Variants in PLEKHA7 observed in about 807,000 individuals in gnomAD.
PLEKHA7 encodes pleckstrin homology domain containing A7.
In PLEKHA7, 104 loss-of-function variants were observed where a neutral mutation model predicts 170.0. That is an observed-to-expected ratio of 0.61 (90% CI 0.52 to 0.72). PLEKHA7 has a LOEUF of 0.72. Among genes scored for constraint, PLEKHA7 ranks in the 30% least tolerant of loss-of-function variants. The probability of loss-of-function intolerance (pLI) is 0.00; values close to 1 mark genes in which losing one functional copy is unlikely to be tolerated. For synonymous variants in PLEKHA7, 648 were observed against 660.8 expected (o/e 0.98, Z 0.30); for missense variants, 1,615 against 1,671.7 (o/e 0.97, Z 0.59).
Position 16,816,263 on chromosome 11 carries a change from T to C in PLEKHA7, c.1868A>G (p.Asn623Ser). The stretch of plus-strand genomic sequence containing the variant: ...GGAGCGTCGGTCCACATGAGATGAG[T>C]TCTGCAAGTGGGGAGACAAGAAGTC... ...PRRARGHAVK[N>S]SSHVDRRSMP... Residue 623 changes from asparagine (N) to serine (S), a missense_variant and splice_region_variant, in exon 12 of 27, where the codon AAC becomes AGC. Transcript: ENST00000531066. The C allele has an allele frequency of 6.2e-7, 1 of 1,611,434 alleles. No individual in the cohort carries two copies. The highest frequency in any genetic ancestry group is 8.5e-7 in the Non-Finnish European group (1 of 1,178,038).
Position 16,855,958 on chromosome 11 carries a change from A to T in PLEKHA7, c.306-44T>A, listed in dbSNP as rs181703972. The T allele has an allele frequency of 8.5e-5, 126 of 1,475,712 alleles. 2 individuals carry two copies. The African/African-American group carries it at 1.1e-3, about 13-fold the overall frequency. 91.4% of individuals were successfully genotyped at this position (1,475,712 alleles called of 1,614,324 possible). On this transcript the variant is annotated intron_variant, in intron 4 of 26. Transcript: ENST00000531066. Reference sequence around the variant, plus strand: ...TTCCAGTGAGTAAAAGCCGAGCTATAGAGTAGGAAGTGCAGTAAGATCAGT... The same window carrying T: ...TTCCAGTGAGTAAAAGCCGAGCTATTGAGTAGGAAGTGCAGTAAGATCAGT...
chr11:16,846,839 GTC>G (rs1243781894), intron 8 of PLEKHA7, among the ~76,000 whole-genome samples: 3 of 152,122 alleles, frequency 2.0e-5, no homozygotes, highest in Non-Finnish European at 4.4e-5. Context: ...GCTCCCTGTG[GTC>G]TCTGTCTACA....
intron 4 of PLEKHA7, among the ~76,000 whole-genome samples, chr11:16,856,939 G>A (rs1565023891): frequency 6.6e-6 from 1 of 152,212 alleles, no homozygotes; most frequent in Non-Finnish European, 1.5e-5. Flanking sequence ...TGCCTGAAGA[G>A]TGGAGAAAAT....
chr11:16,968,156 T>C (rs1252588117), intron 3 of PLEKHA7, among the ~76,000 whole-genome samples: 1 of 152,094 alleles, frequency 6.6e-6, no homozygotes, highest in Non-Finnish European at 1.5e-5. Flanking sequence ...CAAAGGACAG[T>C]TGCCAAGATC....
intron 3 of PLEKHA7, among the ~76,000 whole-genome samples, chr11:16,940,000 T>C (rs1180773224): frequency 6.6e-6 from 1 of 152,158 alleles, no homozygotes; most frequent in Non-Finnish European, 1.5e-5. Context: ...GTTCAGAGAA[T>C]GGTACCACAT....
chr11:16,874,443 C>T (rs985159087), intron 3 of PLEKHA7, among the ~76,000 whole-genome samples: 2 of 152,152 alleles, frequency 1.3e-5, no homozygotes, highest in African/African-American at 4.8e-5. Flanking sequence ...GGAGTCAAGG[C>T]TGCAGTGAGC....
At position 16,993,203 on chromosome 11, in the gene PLEKHA7, G is replaced by A. The variant is rs559787333; in HGVS notation, c.221+20786C>T. 2.0e-5 allele frequency among the ~76,000 whole-genome samples: 3 copies of A among 152,228 alleles called. No homozygotes were observed. In the East Asian group the frequency reaches 5.8e-4, roughly 29 times the overall value. On this transcript the variant is annotated intron_variant, in intron 3 of 26. Coordinates refer to ENST00000531066, the MANE Select transcript of PLEKHA7 (RefSeq NM_001329630.2). ...ATAGAAATCAGTTCCAAAGGCCTCA[G>A]AGAAATCAGGAGATACCAAAGGAAA...
intron 8 of PLEKHA7, among the ~76,000 whole-genome samples, chr11:16,844,716 G>T (rs1479320620): frequency 6.6e-6 from 1 of 152,222 alleles, no homozygotes; most frequent in African/African-American, 2.4e-5. Context: ...TCTCCTGGCT[G>T]TTGGACCTCA....
Position 16,841,585 on chromosome 11 carries a change from G to A in PLEKHA7, c.834C>T (p.Asn278=). Residue 278 remains asparagine, a synonymous_variant, in exon 9 of 27, where the codon AAC becomes AAT. Coordinates refer to ENST00000531066, the MANE Select transcript of PLEKHA7 (RefSeq NM_001329630.2). ...ATCGAGACAGCACCTGTGCAGCCTG[G>A]TTCATGGCCCTGACCCAAGCGTTCA... ...EDMNAWVRAM[N]QAAQVLSRSS... The A allele has an allele frequency of 3.1e-6, 5 of 1,613,938 alleles. No individual in the cohort carries two copies. The highest frequency in any genetic ancestry group is 3.4e-6 in the Non-Finnish European group (4 of 1,180,028).
chr11:17,000,945 G>T lies in PLEKHA7; in HGVS notation c.221+13044C>A, dbSNP rs150975946. Among the ~76,000 whole-genome samples, 935 of 152,292 alleles carry T rather than the reference G, an allele frequency of 6.1e-3. 14 individuals are homozygous for T. Among genetic ancestry groups the T allele is most frequent in the African/African-American group, 0.022 (903 of 41,564 alleles). ...CTCCTGCAGCCAAGCTACTAGTGAAGGATTTTATCTAAGGTCTGTCCCTAC... is the reference window on the plus strand; with the variant it reads ...CTCCTGCAGCCAAGCTACTAGTGAATGATTTTATCTAAGGTCTGTCCCTAC... On this transcript the variant is annotated intron_variant, in intron 3 of 26. Coordinates refer to ENST00000531066, the MANE Select transcript of PLEKHA7 (RefSeq NM_001329630.2).
chr11:16,841,223 G>C (rs1198811321), intron 9 of PLEKHA7, among the ~76,000 whole-genome samples: 1 of 152,168 alleles, frequency 6.6e-6, no homozygotes, highest in African/African-American at 2.4e-5. Flanking sequence ...CAACATGGCA[G>C]TTAGTCTGTA....
chr11:16,856,232 CA>C lies in PLEKHA7; in HGVS notation c.306-319del, dbSNP rs1371510615. Among the ~76,000 whole-genome samples, 29 of 152,238 alleles carry C rather than the reference CA, an allele frequency of 1.9e-4. 1 individual carries two copies. Among genetic ancestry groups the C allele is most frequent in the Admixed American group, 1.9e-3 (29 of 15,280 alleles). On this transcript the variant is annotated intron_variant, in intron 4 of 26. Transcript: ENST00000531066. ...AATCAGGTGTCTGTGACAACTGCCCCATCTGATGGGCATGCACAGATGTGCC... is the reference window on the plus strand; with the variant it reads ...AATCAGGTGTCTGTGACAACTGCCCCTCTGATGGGCATGCACAGATGTGCC...
intron 4 of PLEKHA7, among the ~76,000 whole-genome samples, chr11:16,860,652 A>G (rs1486009975): frequency 3.3e-5 from 5 of 152,344 alleles, no homozygotes; most frequent in East Asian, 3.9e-4. Flanking sequence ...TCACAGAGAC[A>G]AATAACTTAT....
At chr11:16,834,546 A>G (rs1444761351) in intron 9 of PLEKHA7, among the ~76,000 whole-genome samples, 1 of 152,228 alleles carries the variant, frequency 6.6e-6, no homozygotes, top group Non-Finnish European at 1.5e-5. Context: ...ACAGGACTGC[A>G]GCTACTCCAG....
intron 26 of PLEKHA7, among the ~76,000 whole-genome samples, chr11:16,780,725 C>T (rs917678344): frequency 3.9e-5 from 6 of 152,154 alleles, no homozygotes; most frequent in Non-Finnish European, 8.8e-5. Flanking sequence ...ATTGCTCAGT[C>T]CCTATCGTAT....
chr11:16,821,271 A>G (rs1239907335), intron 10 of PLEKHA7, among the ~76,000 whole-genome samples: 1 of 152,170 alleles, frequency 6.6e-6, no homozygotes, highest in Non-Finnish European at 1.5e-5. Flanking sequence ...TCCTTATTGT[A>G]GTGTTTGAGT....
At chr11:16,833,649 G>A (rs1051038633) in intron 9 of PLEKHA7, among the ~76,000 whole-genome samples, 2 of 152,172 alleles carry the variant, frequency 1.3e-5, no homozygotes, top group African/African-American at 4.8e-5. Flanking sequence ...ATCTGTCATG[G>A]ACAACCTGCA....
intron 3 of PLEKHA7, among the ~76,000 whole-genome samples, chr11:16,994,923 C>G (rs1294088608): frequency 6.6e-6 from 1 of 152,120 alleles, no homozygotes. Context: ...CTTGAGGACA[C>G]CAGTGTTGCT....
intron 3 of PLEKHA7, among the ~76,000 whole-genome samples, chr11:17,005,556 G>T (rs942084936): frequency 6.6e-6 from 1 of 152,070 alleles, no homozygotes; most frequent in African/African-American, 2.4e-5. Flanking sequence ...AAGAGAGAGA[G>T]AGAGAATGGA....
Sources: gnomAD v4.1 joint callset for allele counts (sites outside exome capture counted in the v4.1 genomes callset) on GRCh38, gnomAD v4.1.1 for gene constraint, MANE v1.5 for transcripts, NCBI Gene and HGNC (gene_info 2026-07-23, HGNC 2026-07-21) for gene names.